The following POC1B variants were observed in gnomAD, a reference collection of about 807,000 sequenced individuals.
POC1B encodes POC1 centriolar protein homolog B.
Under a neutral mutation model 60.6 loss-of-function variants are expected in POC1B, and 44 were observed. The observed-to-expected ratio is 0.73, with a 90% CI of 0.57 to 0.93. The LOEUF (loss-of-function observed/expected upper bound fraction) is 0.93. Among genes scored for constraint, POC1B ranks in the 40% least tolerant of loss-of-function variants. The pLI is 0.00. For missense variants in POC1B, 555 were observed against 572.3 expected, an observed-to-expected ratio of 0.97 and a Z score of 0.31; for synonymous variants, 180 against 198.9, an observed-to-expected ratio of 0.90 and a Z score of 0.80.
At chr12:89,427,526 C>T (rs1330148639) in intron 10 of POC1B, 3 of 151,986 alleles carry the variant, frequency 2.0e-5, no homozygotes, top group African/African-American at 7.3e-5. Flanking sequence ...GACCCCATCT[C>T]TACAAAAAAT....
At chr12:89,473,666 GAA>G (rs1163868772) in intron 4 of POC1B, among the ~76,000 whole-genome samples, 3 of 109,172 alleles carry the variant, frequency 2.7e-5, no homozygotes, top group African/African-American at 1.1e-4. Flanking sequence ...CCTCAGAAAA[GAA>G]AAAAAAAAAA....
chr12:89,405,799 T>G, the POC1B span, among the ~76,000 whole-genome samples: 1 of 151,750 alleles, frequency 6.6e-6, no homozygotes, highest in African/African-American at 2.4e-5. Context: ...TACAAAAATG[T>G]TTAAAATTAG....
At chr12:89,486,231 T>C (rs1331450331) in intron 4 of POC1B, among the ~76,000 whole-genome samples, 1 of 152,222 alleles carries the variant, frequency 6.6e-6, no homozygotes, top group Non-Finnish European at 1.5e-5. Flanking sequence ...TAAATACTTG[T>C]AATTCGAAGT....
At chr12:89,422,343 A>G (rs976150139) in intron 11 of POC1B, among the ~76,000 whole-genome samples, 1 of 152,250 alleles carries the variant, frequency 6.6e-6, no homozygotes, top group Non-Finnish European at 1.5e-5. Flanking sequence ...TCGCATGTCA[A>G]GAATTAATGT....
At chr12:89,413,740 T>G in the POC1B span, among the ~76,000 whole-genome samples, 1 of 152,190 alleles carries the variant, frequency 6.6e-6, no homozygotes, top group Admixed American at 6.5e-5. Context: ...AAAGTGAATT[T>G]TTTTTTACTT....
the POC1B span, among the ~76,000 whole-genome samples, chr12:89,401,982 A>G: frequency 2.0e-5 from 3 of 152,306 alleles, no homozygotes; most frequent in East Asian, 1.9e-4. Context: ...TCATGTGACT[A>G]CCACTAGTGT....
intron 10 of POC1B, among the ~76,000 whole-genome samples, chr12:89,445,340 T>C (rs978960529): frequency 6.6e-6 from 1 of 152,204 alleles, no homozygotes; most frequent in African/African-American, 2.4e-5. Flanking sequence ...GGCATCATGC[T>C]ACCTGACTTC....
At chr12:89,464,634 C>T (rs557977382) in intron 9 of POC1B, among the ~76,000 whole-genome samples, 4 of 150,816 alleles carry the variant, frequency 2.7e-5, no homozygotes, top group Non-Finnish European at 3.0e-5. Flanking sequence ...ATTATAGGCA[C>T]GCGCCACCAC....
At chr12:89,487,232 G>A (rs1868686508) in intron 4 of POC1B, among the ~76,000 whole-genome samples, 1 of 152,156 alleles carries the variant, frequency 6.6e-6, no homozygotes, top group African/African-American at 2.4e-5. Flanking sequence ...TCTGGAACTG[G>A]AGATAGGGCC....
intron 2 of POC1B, chr12:89,500,751 T>C: frequency 2.8e-6 from 3 of 1,075,404 alleles, no homozygotes; most frequent in Non-Finnish European, 4.1e-6. Flanking sequence ...AAAATAGAAA[T>C]AGATAGAAAT....
At chr12:89,410,612 G>A in the POC1B span, among the ~76,000 whole-genome samples, 59,808 of 150,912 alleles carry the variant, frequency 0.4, 14,445 homozygotes, top group Non-Finnish European at 0.54. Context: ...CCTGAGAGGC[G>A]GAGCTTGCAG....
At chr12:89,502,072 C>T in intron 2 of POC1B, 1 of 1,023,796 alleles carries the variant, frequency 9.8e-7, no homozygotes, top group East Asian at 2.4e-5. Flanking sequence ...CCTAAAGCCT[C>T]AGACCAGTGG....
intron 9 of POC1B, chr12:89,459,947 G>A: frequency 2.1e-6 from 1 of 479,920 alleles, no homozygotes; most frequent in South Asian, 2.3e-5. Context: ...GAAATAAAAG[G>A]TTTTCACTTT....
intron 10 of POC1B, among the ~76,000 whole-genome samples, chr12:89,452,167 G>T (rs148203081): frequency 6.6e-6 from 1 of 152,088 alleles, no homozygotes; most frequent in Non-Finnish European, 1.5e-5. Context: ...AGCATGCCTC[G>T]GTCTCAGCTG....
rs1344809909 is a variant in POC1B at position 89,487,186 on chromosome 12, T to C, written c.452+4750A>G. Among the ~76,000 whole-genome samples the C allele has an allele frequency of 2.6e-5, 4 of 152,158 alleles. No individual in the cohort carries two copies. In the East Asian group the frequency reaches 5.8e-4, roughly 22 times the overall value. ...GACTCACTCCTCCAGGAGGGGATGC[T>C]ATGTTTCCGTGGGCGAGCCTGAGCT... On this transcript the variant is annotated intron_variant, in intron 4 of 11. Coordinates refer to ENST00000313546, the MANE Select transcript of POC1B (RefSeq NM_172240.3).
At chr12:89,481,580 A>C (rs1868365503) in intron 4 of POC1B, among the ~76,000 whole-genome samples, 1 of 152,220 alleles carries the variant, frequency 6.6e-6, no homozygotes, top group East Asian at 1.9e-4. Flanking sequence ...AATTTTGAAG[A>C]CAGGGTACAA....
chr12:89,492,258 C>T (rs1869019913), intron 3 of POC1B, 143 bp from the exon 4 acceptor site: 1 of 589,450 alleles, frequency 1.7e-6, no homozygotes, highest in Non-Finnish European at 2.6e-6. Flanking sequence ...TATGAAAGGG[C>T]TATGTTGTAC....
chr12:89,500,148 A>G (rs7975152), intron 2 of POC1B: 1,189,027 of 1,575,202 alleles, frequency 0.75, 449,925 homozygotes, highest in Middle Eastern at 0.83. Context: ...AGATTTTGTC[A>G]ACCTTCCAGG....
chr12:89,425,117 A>C, intron 11 of POC1B, 44 bp downstream of exon 11: 1 of 1,589,086 alleles, frequency 6.3e-7, no homozygotes, highest in Non-Finnish European at 8.6e-7. Context: ...TGTTTTGTGT[A>C]TTTTACCCCC....
Sources: allele counts gnomAD v4.1 joint callset (sites outside exome capture counted in the v4.1 genomes callset), GRCh38; gene constraint gnomAD v4.1.1; transcripts MANE v1.5; gene names NCBI Gene and HGNC (gene_info 2026-07-23, HGNC 2026-07-21).